PRKCB: variants seen among roughly 807,000 people sequenced by gnomAD.
The protein encoded by PRKCB is protein kinase C beta type.
PRKCB carries 13 observed loss-of-function variants against 81.5 expected under a neutral mutation model. The observed-to-expected ratio is 0.16, with a 90% CI of 0.10 to 0.25. PRKCB has a LOEUF of 0.25. Ranked by LOEUF, PRKCB falls within the 10% of genes least tolerant of loss-of-function variation. PRKCB has a pLI of 1.00. For synonymous variants in PRKCB, 335 were observed against 321.4 expected, an observed-to-expected ratio of 1.04 and a Z score of -0.45; for missense variants, 509 against 875.7, an observed-to-expected ratio of 0.58 and a Z score of 5.29.
At chr16:24,071,560 G>C (rs1280883829) in intron 5 of PRKCB, among the ~76,000 whole-genome samples, 3 of 151,784 alleles carry the variant, frequency 2.0e-5, no homozygotes, top group Non-Finnish European at 4.4e-5. Context: ...TGCTAGTCTA[G>C]CTCAACTCAA....
At chr16:24,179,054 T>G (rs982191170) in intron 12 of PRKCB, among the ~76,000 whole-genome samples, 1 of 152,170 alleles carries the variant, frequency 6.6e-6, no homozygotes, top group African/African-American at 2.4e-5. Context: ...CCCCTGGAGT[T>G]TCTAGACTTC....
rs528570362 is a variant in PRKCB, at chr16:24,127,756, A to G, written c.1065+3775A>G. ...TGTTCCAGACTGGAGATATAGCATC[A>G]GATAAATCATAGATGAAAACAACAG... On this transcript the variant is annotated intron_variant, in intron 9 of 16. Transcript: ENST00000643927. Among the ~76,000 whole-genome samples the G allele has an allele frequency of 9.8e-5, 15 of 152,358 alleles. No individual in the cohort carries two copies. In the East Asian group the frequency reaches 2.9e-3, roughly 29 times the overall value.
At chr16:24,099,085 CAT>C (rs933504326) in intron 7 of PRKCB, 1 of 152,150 alleles carries the variant, frequency 6.6e-6, no homozygotes, top group Admixed American at 6.5e-5. Context: ...CAGGAGGAAA[CAT>C]AATAATAATA....
chr16:24,206,081 C>T (rs564353228), intron 16 of PRKCB, among the ~76,000 whole-genome samples: 2 of 152,312 alleles, frequency 1.3e-5, no homozygotes, highest in African/African-American at 4.8e-5. Flanking sequence ...GACCCCTCTC[C>T]TACTGACTTC....
At chr16:23,875,703 CACATATATATGTATGTATATCACACAT>C (rs1567298680) in intron 2 of PRKCB, among the ~76,000 whole-genome samples, 2 of 127,508 alleles carry the variant, frequency 1.6e-5, no homozygotes, top group East Asian at 2.7e-4. Context: ...ATGTATATCA[CACATATATATGTATGTATATCACACAT>C]ATATATGTAT....
intron 2 of PRKCB, among the ~76,000 whole-genome samples, chr16:23,839,869 T>G (rs992979104): frequency 1.3e-5 from 2 of 152,200 alleles, no homozygotes; most frequent in Admixed American, 1.3e-4. Context: ...TCTGCTCTTA[T>G]GATTGTCCCC....
intron 2 of PRKCB, among the ~76,000 whole-genome samples, chr16:23,840,898 T>C (rs1472770583): frequency 1.3e-5 from 2 of 152,170 alleles, no homozygotes; most frequent in Admixed American, 1.3e-4. Context: ...CCTTTTTGTT[T>C]CCACTCTGTC....
At chr16:23,919,072 C>G (rs981770104) in intron 2 of PRKCB, among the ~76,000 whole-genome samples, 1 of 152,088 alleles carries the variant, frequency 6.6e-6, no homozygotes, top group Non-Finnish European at 1.5e-5. Flanking sequence ...GTGACTATTT[C>G]AAAGATGAAA....
At chr16:23,867,795 T>C (rs1010590457) in intron 2 of PRKCB, among the ~76,000 whole-genome samples, 4 of 152,236 alleles carry the variant, frequency 2.6e-5, no homozygotes, top group South Asian at 4.1e-4. Context: ...CTGAGCAGAC[T>C]TAGAAGTAGA....
intron 3 of PRKCB, among the ~76,000 whole-genome samples, chr16:24,007,852 G>A (rs977973128): frequency 1.6e-4 from 25 of 152,128 alleles, no homozygotes; most frequent in African/African-American, 5.8e-4. Context: ...CAGCCAGAAA[G>A]GATGTGAAAG....
rs1597201117 is a variant in PRKCB, at chr16:23,836,277, C to G, written c.102C>G (p.Val34=). Reference sequence around the variant, plus strand: ...TCCGGCAGAAGAACGTGCATGAGGTCAAGAACCACAAATTCACCGCCCGCT... The same window carrying G: ...TCCGGCAGAAGAACGTGCATGAGGTGAAGAACCACAAATTCACCGCCCGCT... ...GALRQKNVHE[V]KNHKFTARFF... is the part of the protein sequence containing the mutation. The change falls in exon 1 of 17, where the codon GTC becomes GTG. Residue 34 remains valine, a synonymous_variant. Coordinates refer to ENST00000643927, the MANE Select transcript of PRKCB (RefSeq NM_002738.7). 1 of 1,605,608 alleles carries G rather than the reference C, an allele frequency of 6.2e-7. No homozygotes were observed. Among genetic ancestry groups the G allele is most frequent in the Non-Finnish European group, 8.5e-7 (1 of 1,176,334 alleles).
rs991386055 is a variant in PRKCB, at chr16:24,218,984, G to A, written c.*4168G>A. On this transcript the variant is annotated 3_prime_UTR_variant, in exon 17 of 17. Coordinates refer to ENST00000643927, the MANE Select transcript of PRKCB (RefSeq NM_002738.7). The stretch of plus-strand genomic sequence containing the variant: ...TGCTTGTGCCTCGGTTCTCTCATAT[G>A]TCATATATAGGAGGTGAGGACTCCA... 8.1e-6 allele frequency: 8 copies of A among 985,228 alleles called. No homozygotes were observed. The highest frequency in any genetic ancestry group is 3.5e-5 in the African/African-American group (2 of 57,216). The allele number at this position is 985,228 out of a possible 1,614,324, so 61.0% of individuals were successfully genotyped here.
At chr16:23,947,467 G>A (rs962654335) in intron 2 of PRKCB, among the ~76,000 whole-genome samples, 4 of 152,072 alleles carry the variant, frequency 2.6e-5, no homozygotes, top group Non-Finnish European at 4.4e-5. Flanking sequence ...CCCCTTTTTA[G>A]ATTCAATTTC....
chr16:23,982,615 G>T (rs139122018), intron 2 of PRKCB, among the ~76,000 whole-genome samples: 1 of 151,806 alleles, frequency 6.6e-6, no homozygotes, highest in Admixed American at 6.6e-5. Flanking sequence ...ATTTTTTAGA[G>T]ATGGAGTCTT....
chr16:23,904,943 T>C (rs1293216250), intron 2 of PRKCB, among the ~76,000 whole-genome samples: 3 of 152,174 alleles, frequency 2.0e-5, no homozygotes, highest in Non-Finnish European at 4.4e-5. Context: ...CTCCGTATTG[T>C]CATGGAAAAG....
intron 3 of PRKCB, among the ~76,000 whole-genome samples, chr16:23,999,961 A>C (rs1965010579): frequency 6.6e-6 from 1 of 152,122 alleles, no homozygotes; most frequent in Non-Finnish European, 1.5e-5. Flanking sequence ...GCTCTCGTCC[A>C]TGTGGCATCA....
intron 2 of PRKCB, among the ~76,000 whole-genome samples, chr16:23,892,077 T>C (rs74014171): frequency 0.013 from 2,050 of 152,232 alleles, 38 homozygotes; most frequent in African/African-American, 0.047. Context: ...CTGGGTGACA[T>C]TTGCTGAAAC....
intron 9 of PRKCB, among the ~76,000 whole-genome samples, chr16:24,130,004 T>G (rs1011502162): frequency 6.6e-6 from 1 of 152,246 alleles, no homozygotes; most frequent in African/African-American, 2.4e-5. Flanking sequence ...CATGTATCCA[T>G]CTGTCTATCC....
intron 2 of PRKCB, among the ~76,000 whole-genome samples, chr16:23,873,194 A>C (rs1273258421): frequency 1.7e-4 from 20 of 114,654 alleles, no homozygotes; most frequent in Non-Finnish European, 2.4e-4. Flanking sequence ...ACACACAAAA[A>C]AAAAAAAAAA....
Sources: gnomAD v4.1 joint callset for allele counts (sites outside exome capture counted in the v4.1 genomes callset) on GRCh38, gnomAD v4.1.1 for gene constraint, MANE v1.5 for transcripts, NCBI Gene and HGNC (gene_info 2026-07-23, HGNC 2026-07-21) for gene names.